The following DAZAP1 variants were observed in gnomAD, a reference collection of about 807,000 sequenced individuals.
DAZAP1 encodes the protein DAZ associated protein 1.
DAZAP1 carries 6 observed loss-of-function variants against 60.1 expected under a neutral mutation model. The ratio of observed to expected loss-of-function variants is 0.10; its 90% CI spans 0.05 to 0.20. The LOEUF is 0.20. Among genes scored for constraint, DAZAP1 ranks in the 10% least tolerant of loss-of-function variants. DAZAP1 has a pLI of 1.00. For missense variants in DAZAP1, 366 were observed against 560.4 expected, an observed-to-expected ratio of 0.65 and a Z score of 3.50; for synonymous variants, 235 against 215.9, an observed-to-expected ratio of 1.09 and a Z score of -0.78.
chr19:1,409,227 G>A (rs1470981836), intron 1 of DAZAP1, among the ~76,000 whole-genome samples: 1 of 152,254 alleles, frequency 6.6e-6, no homozygotes, highest in Non-Finnish European at 1.5e-5. Context: ...TGAGCAGGGA[G>A]TCCACCGGCC....
At chr19:1,410,494 C>A (rs265271) in intron 1 of DAZAP1, among the ~76,000 whole-genome samples, 7,055 of 152,270 alleles carry the variant, frequency 0.046, 228 homozygotes, top group Non-Finnish European at 0.073. Context: ...AGAGCACGCG[C>A]GATCAGGAAG....
Position 1,428,668 on chromosome 19 carries a change from A to G in DAZAP1, c.547-174A>G. On this transcript the variant is annotated intron_variant, in intron 7 of 11. Coordinates refer to ENST00000233078, the MANE Select transcript of DAZAP1 (RefSeq NM_018959.4). This position sits in a 1 kb window ranked among gnomAD's most constrained non-coding sequence, Gnocchi z 4.0. ...TTTTTTAAACAAAAAAATTCAACAC[A>G]AAAGAATTTTTTAAGAAAAAAATGC... 2 of 831,806 alleles carry G rather than the reference A, an allele frequency of 2.4e-6. No individual in the cohort carries two copies. Among genetic ancestry groups the G allele is most frequent in the East Asian group, 2.9e-5 (1 of 34,134 alleles). 51.5% of individuals were successfully genotyped at this position (831,806 alleles called of 1,614,324 possible).
chr19:1,433,464 T>G lies in DAZAP1; in HGVS notation c.1048+774T>G. The stretch of plus-strand genomic sequence containing the variant: ...CTTCCGGGGTGCCTGTGAACACGCT[T>G]CCTCTAGGCCTGGTGGAGGCCGGGG... On this transcript the variant is annotated intron_variant, in intron 11 of 11. Transcript: ENST00000233078. This position sits in a 1 kb window ranked among gnomAD's most constrained non-coding sequence, Gnocchi z 6.1. 2.1e-6 allele frequency: 1 copy of G among 475,462 alleles called. No individual in the cohort carries two copies. The highest frequency in any genetic ancestry group is 2.6e-5 in the South Asian group (1 of 38,920). 29.5% of individuals were successfully genotyped at this position (475,462 alleles called of 1,614,324 possible). A position where few individuals can be genotyped will look rare whatever the true frequency, so the allele number is the denominator to read the frequency against.
chr19:1,430,733 T>G (rs1489486812), intron 10 of DAZAP1, among the ~76,000 whole-genome samples: 2 of 151,936 alleles, frequency 1.3e-5, no homozygotes, highest in African/African-American at 4.8e-5. Flanking sequence ...TTTTTTTTTT[T>G]TTTTTGAGAT....
rs1569055050 is a variant in DAZAP1 at position 1,417,461 on chromosome 19, C to CGCTGTCTTGATCCTGAATGTTTTCTCATT, written c.30-37_30-9dup. On this transcript the variant is annotated intron_variant, in intron 1 of 11. Transcript: ENST00000233078. ...TGGATGGGGGCATTTCTAAGGCGAG[C>CGCTGTCTTGATCCTGAATGTTTTCTCATT]GCTGTCTTGATCCTGAATGTTTTCT... 3 of 1,582,036 alleles carry CGCTGTCTTGATCCTGAATGTTTTCTCATT rather than the reference C, an allele frequency of 1.9e-6. No individual in the cohort carries two copies. In the South Asian group the frequency reaches 3.5e-5, roughly 18 times the overall value.
Position 1,425,393 on chromosome 19 carries a change from A to T in DAZAP1, c.464-485A>T, listed in dbSNP as rs926043017. 7.2e-5 allele frequency among the ~76,000 whole-genome samples: 11 copies of T among 152,324 alleles called. No individual in the cohort carries two copies. In the East Asian group the frequency reaches 2.1e-3, roughly 29 times the overall value. ...CACACATCCACGGTGCACACCCCTG[A>T]CTAAGATGGCGCATTCCACGCGGGC... is the stretch of plus-strand genomic sequence containing the variant. On this transcript the variant is annotated intron_variant, in intron 6 of 11. Coordinates refer to ENST00000233078, the MANE Select transcript of DAZAP1 (RefSeq NM_018959.4). The surrounding 1 kb of genome is among the most constrained non-coding windows in gnomAD (Gnocchi z 5.4).
rs1033249067 is a variant in DAZAP1 at position 1,434,447 on chromosome 19, C to T, written c.1049-290C>T. The T allele has an allele frequency of 2.7e-6, 1 of 371,202 alleles. No individual in the cohort carries two copies. The highest frequency in any genetic ancestry group is 2.1e-5 in the African/African-American group (1 of 46,516). The allele number at this position is 371,202 out of a possible 1,614,324, so 23.0% of individuals were successfully genotyped here. A position where few individuals can be genotyped will look rare whatever the true frequency, so the allele number is the denominator to read the frequency against. ...GCTTCTCTACCTCCCCTCACCCCCCCAACCACGTCTTCGGGATTGAACAGG... is the reference window on the plus strand; with the variant it reads ...GCTTCTCTACCTCCCCTCACCCCCCTAACCACGTCTTCGGGATTGAACAGG... On this transcript the variant is annotated intron_variant, in intron 11 of 11. Coordinates refer to ENST00000233078, the MANE Select transcript of DAZAP1 (RefSeq NM_018959.4). This position sits in a 1 kb window ranked among gnomAD's most constrained non-coding sequence, Gnocchi z 8.0.
chr19:1,434,830 CG>C lies in DAZAP1; in HGVS notation c.1148del (p.Gly383AlafsTer46), dbSNP rs771328337. 1.6e-5 allele frequency: 26 copies of C among 1,586,758 alleles called. No homozygotes were observed. Among genetic ancestry groups the C allele is most frequent in the Admixed American group, 7.0e-5 (4 of 57,368 alleles). On this transcript the variant is annotated frameshift_variant, in exon 12 of 12. Coordinates refer to ENST00000233078, the MANE Select transcript of DAZAP1 (RefSeq NM_018959.4). LOFTEE classifies it high-confidence loss of function. The surrounding 1 kb of genome is among the most constrained non-coding windows in gnomAD (Gnocchi z 8.0). ...TACGGGGGTCCCTCCGTGCCAGGGTCGGGGGGCCCCCCCGCCGGCGGCAGCG... is the reference window on the plus strand; with the variant it reads ...TACGGGGGTCCCTCCGTGCCAGGGTCGGGGGCCCCCCCGCCGGCGGCAGCG... ...PSYGGPSVPG[S>X]GGPPAGGSGF...
intron 6 of DAZAP1, among the ~76,000 whole-genome samples, chr19:1,424,815 C>T (rs993021068): frequency 1.3e-5 from 2 of 152,218 alleles, no homozygotes; most frequent in African/African-American, 2.4e-5. Context: ...AGCTGTCTGC[C>T]GGGCACTTCC....
chr19:1,411,999 T>C (rs934877095), intron 1 of DAZAP1, among the ~76,000 whole-genome samples: 4 of 152,220 alleles, frequency 2.6e-5, no homozygotes, highest in African/African-American at 9.6e-5. Context: ...CGACAGATGC[T>C]TATAGGCTGA....
chr19:1,427,773 A>G (rs1351200977), intron 7 of DAZAP1: 1 of 152,300 alleles, frequency 6.6e-6, no homozygotes, highest in East Asian at 1.9e-4. Flanking sequence ...GGCATTGGGC[A>G]GGTGGGGGCT....
At position 1,433,795 on chromosome 19, in the gene DAZAP1, C is replaced by A; in HGVS notation, c.1049-942C>A. On this transcript the variant is annotated intron_variant, in intron 11 of 11. Transcript: ENST00000233078. This position sits in a 1 kb window ranked among gnomAD's most constrained non-coding sequence, Gnocchi z 6.1. ...CTGCGGCCCACACTTTGTTTACAGT[C>A]TTATGGTCAGGCTGAGCAGTGATGT... is the stretch of plus-strand genomic sequence containing the variant. 6.2e-7 allele frequency: 1 copy of A among 1,613,982 alleles called. No homozygotes were observed. The highest frequency in any genetic ancestry group is 8.5e-7 in the Non-Finnish European group (1 of 1,179,896).
rs926353200 is a variant in DAZAP1 at position 1,422,643 on chromosome 19, T to C, written c.463+247T>C. 6.6e-6 allele frequency among the ~76,000 whole-genome samples: 1 copy of C among 152,190 alleles called. No homozygotes were observed. Among genetic ancestry groups the C allele is most frequent in the African/African-American group, 2.4e-5 (1 of 41,444 alleles). On this transcript the variant is annotated intron_variant, in intron 6 of 11. Coordinates refer to ENST00000233078, the MANE Select transcript of DAZAP1 (RefSeq NM_018959.4). The surrounding 1 kb of genome is among the most constrained non-coding windows in gnomAD (Gnocchi z 4.5). Reference sequence around the variant, plus strand: ...CTTTTGAAGTTTTTACGACTTGTCATGAGTCTCGGCCTGGCTTCTGTTTTT... The same window carrying C: ...CTTTTGAAGTTTTTACGACTTGTCACGAGTCTCGGCCTGGCTTCTGTTTTT...
intron 6 of DAZAP1, among the ~76,000 whole-genome samples, chr19:1,424,320 TCCTCCTCTTCCCCCTCCC>T (rs1370048780): frequency 1.5e-5 from 2 of 132,450 alleles, no homozygotes; most frequent in Non-Finnish European, 3.3e-5. Context: ...CTCCTCTTCC[TCCTCCTCTTCCCCCTCCC>T]CCTCCTCCTC....
At position 1,428,804 on chromosome 19, in the gene DAZAP1, C is replaced by T. The variant is rs750388166; in HGVS notation, c.547-38C>T. 7.4e-6 allele frequency: 12 copies of T among 1,611,362 alleles called. No individual in the cohort carries two copies. The highest frequency in any genetic ancestry group is 9.3e-6 in the Non-Finnish European group (11 of 1,178,968). On this transcript the variant is annotated intron_variant, in intron 7 of 11. Coordinates refer to ENST00000233078, the MANE Select transcript of DAZAP1 (RefSeq NM_018959.4). The surrounding 1 kb of genome is among the most constrained non-coding windows in gnomAD (Gnocchi z 4.0). The stretch of plus-strand genomic sequence containing the variant: ...TCTAAAGGGAAGGGGGTGCTGGGAC[C>T]CGCAGCCTCGCCCTAAACCAGAGCT...
At position 1,433,688 on chromosome 19, in the gene DAZAP1, C is replaced by A; in HGVS notation, c.1048+998C>A. 6.7e-7 allele frequency: 1 copy of A among 1,502,652 alleles called. No homozygotes were observed. Among genetic ancestry groups the A allele is most frequent in the Non-Finnish European group, 9.2e-7 (1 of 1,081,362 alleles). The allele number at this position is 1,502,652 out of a possible 1,614,324, so 93.1% of individuals were successfully genotyped here. On this transcript the variant is annotated intron_variant, in intron 11 of 11. Coordinates refer to ENST00000233078, the MANE Select transcript of DAZAP1 (RefSeq NM_018959.4). The surrounding 1 kb of genome is among the most constrained non-coding windows in gnomAD (Gnocchi z 6.1). ...GGGGCGTGGCGTGTGTCAGCCGCTG[C>A]TCTTGGTGGCGGCTGCTTGGGTTGG...
At chr19:1,424,251 C>T (rs969512905) in intron 6 of DAZAP1, among the ~76,000 whole-genome samples, 4 of 151,868 alleles carry the variant, frequency 2.6e-5, no homozygotes, top group African/African-American at 2.4e-5. Context: ...CTCTCAGTCC[C>T]CTCAGGTCTT....
chr19:1,409,020 C>G (rs2082748291), intron 1 of DAZAP1, among the ~76,000 whole-genome samples: 1 of 152,208 alleles, frequency 6.6e-6, no homozygotes, highest in African/African-American at 2.4e-5. Flanking sequence ...CTCGCACCAG[C>G]TACAGGTCAC....
At chr19:1,407,881 C>T (rs868782636) in intron 1 of DAZAP1, 79 bp downstream of exon 1, 1 of 1,020,072 alleles carries the variant, frequency 9.8e-7, no homozygotes, top group South Asian at 4.5e-5. Flanking sequence ...TCAGACGCCG[C>T]CCCCCGGGGC....
Sources: gnomAD v4.1 joint callset for allele counts (sites outside exome capture counted in the v4.1 genomes callset) on GRCh38, gnomAD v4.1.1 for gene constraint, Gnocchi (gnomAD v3.1) non-coding constraint, MANE v1.5 for transcripts, NCBI Gene and HGNC (gene_info 2026-07-23, HGNC 2026-07-21) for gene names.